Variants in OTUD7B observed in about 807,000 individuals in gnomAD.
OTUD7B encodes OTU deubiquitinase 7B, also known as OTU domain-containing protein 7B.
A neutral mutation model predicts 82.2 loss-of-function variants in OTUD7B; 34 were observed. The observed-to-expected ratio is 0.41, with a 90% CI of 0.31 to 0.55. The LOEUF is 0.55. Among genes scored for constraint, OTUD7B ranks in the 20% least tolerant of loss-of-function variants. OTUD7B has a pLI of 0.20. For missense variants in OTUD7B, 944 were observed against 1,062.1 expected (o/e 0.89, Z 1.55); for synonymous variants, 398 against 402.7 (o/e 0.99, Z 0.14).
At chr1:149,995,446 G>C (rs1553783127) in intron 1 of OTUD7B, among the ~76,000 whole-genome samples, 1 of 152,180 alleles carries the variant, frequency 6.6e-6, no homozygotes, top group African/African-American at 2.4e-5. Flanking sequence ...AGGCATGGTA[G>C]TGCGTGCCTG....
the OTUD7B span, among the ~76,000 whole-genome samples, chr1:150,063,776 T>C: frequency 6.6e-6 from 1 of 152,248 alleles, no homozygotes; most frequent in Non-Finnish European, 1.5e-5. Context: ...ATGCTTTTGC[T>C]ACCATAAAGC....
At chr1:150,066,658 T>C in the OTUD7B span, among the ~76,000 whole-genome samples, 1 of 152,240 alleles carries the variant, frequency 6.6e-6, no homozygotes, top group Non-Finnish European at 1.5e-5. This position sits in a 1 kb window ranked among gnomAD's most constrained non-coding sequence, Gnocchi z 4.6. Flanking sequence ...ACACTGGTCA[T>C]TATTTTGGTG....
chr1:150,040,754 G>A, the OTUD7B span, among the ~76,000 whole-genome samples: 3 of 143,236 alleles, frequency 2.1e-5, no homozygotes, highest in Admixed American at 1.5e-4. Context: ...CTGTTGCCCA[G>A]GCTGGAGTGC....
rs1647444406 is a variant in OTUD7B, at chr1:149,943,872, C to T, written c.2517G>A (p.Leu839=). ...RREREPDGEL[L]VHRF ...TTCCACCCGTTCAGAACCTGTGCAC[C>T]AGGAGCTCCCCATCCGGTTCCCGCT... The change falls in exon 12 of 12, where the codon CTG becomes CTA. Residue 839 remains leucine (L), a synonymous_variant. Transcript: ENST00000581312. 8 of 1,614,126 alleles carry T rather than the reference C, an allele frequency of 5.0e-6. No individual in the cohort carries two copies. The highest frequency in any genetic ancestry group is 1.3e-5 in the African/African-American group (1 of 75,068).
intron 3 of OTUD7B, among the ~76,000 whole-genome samples, chr1:149,968,773 C>T (rs1376431140): frequency 6.6e-6 from 1 of 152,178 alleles, no homozygotes; most frequent in Non-Finnish European, 1.5e-5. Flanking sequence ...TGCAGTGCTG[C>T]AGTCTCGGCT....
intron 9 of OTUD7B, 136 bp from the exon 10 acceptor site, chr1:149,949,219 GTAT>G (rs1363298302): frequency 1.6e-6 from 1 of 621,276 alleles, no homozygotes; most frequent in African/African-American, 1.8e-5. Flanking sequence ...AATTACCCCG[GTAT>G]TAAAACTAAT....
the OTUD7B span, among the ~76,000 whole-genome samples, chr1:150,046,095 C>A: frequency 6.6e-6 from 1 of 152,098 alleles, no homozygotes; most frequent in Non-Finnish European, 1.5e-5. Flanking sequence ...TTTCCTTGAT[C>A]CAACCTAGTT....
the OTUD7B span, chr1:150,053,760 T>C: frequency 5.4e-6 from 1 of 184,016 alleles, no homozygotes; most frequent in Non-Finnish European, 1.1e-5. Flanking sequence ...AAGCTCAATA[T>C]CACCGATCAT....
chr1:150,049,159 T>C, the OTUD7B span, among the ~76,000 whole-genome samples: 1 of 152,148 alleles, frequency 6.6e-6, no homozygotes, highest in Non-Finnish European at 1.5e-5. Context: ...CTAGTAAACT[T>C]AAATCAGTTC....
upstream of OTUD7B, among the ~76,000 whole-genome samples, chr1:150,014,162 G>A (rs1653201826): frequency 7.1e-6 from 1 of 141,558 alleles, no homozygotes; most frequent in Admixed American, 7.0e-5. Context: ...ACTTTGGGAG[G>A]CCAAGGCAGG....
chr1:150,000,011 A>G (rs782324217), intron 1 of OTUD7B, among the ~76,000 whole-genome samples: 18 of 152,240 alleles, frequency 1.2e-4, no homozygotes, highest in Non-Finnish European at 7.3e-5. Context: ...TGTAGCCTGG[A>G]TACAACTTTG....
the OTUD7B span, among the ~76,000 whole-genome samples, chr1:150,037,761 T>C: frequency 5.5e-3 from 844 of 152,218 alleles, 5 homozygotes; most frequent in African/African-American, 0.019. Context: ...AACTAATTTT[T>C]GTATTTTCAG....
chr1:150,027,698 G>C, the OTUD7B span, among the ~76,000 whole-genome samples: 2 of 151,790 alleles, frequency 1.3e-5, no homozygotes, highest in African/African-American at 2.4e-5. Context: ...TAATCTGCTA[G>C]TGTCCTTTAG....
At chr1:150,001,121 A>G (rs587745312) in intron 1 of OTUD7B, among the ~76,000 whole-genome samples, 1 of 152,338 alleles carries the variant, frequency 6.6e-6, no homozygotes, top group Non-Finnish European at 1.5e-5. Context: ...GCAGGGTGGA[A>G]CTTCAGCTAT....
chr1:150,056,901 T>G, the OTUD7B span, among the ~76,000 whole-genome samples: 2 of 152,118 alleles, frequency 1.3e-5, no homozygotes, highest in Non-Finnish European at 1.5e-5. Flanking sequence ...ACAGCTAAAA[T>G]TAGGAGGTGA....
the OTUD7B span, among the ~76,000 whole-genome samples, chr1:150,021,380 A>C: frequency 1.3e-5 from 2 of 152,178 alleles, no homozygotes; most frequent in African/African-American, 2.4e-5. Flanking sequence ...ACAAAGCCAG[A>C]GGGTGAATGT....
At chr1:149,992,004 C>T (rs1439023771) in intron 1 of OTUD7B, among the ~76,000 whole-genome samples, 5 of 152,072 alleles carry the variant, frequency 3.3e-5, no homozygotes, top group African/African-American at 7.2e-5. Flanking sequence ...CCAAGGCAGG[C>T]GGATCATTAG....
chr1:150,038,023 A>T, the OTUD7B span, among the ~76,000 whole-genome samples: 1 of 151,092 alleles, frequency 6.6e-6, no homozygotes, highest in South Asian at 2.1e-4. Context: ...TCACACCCTA[A>T]TTTTTGTATT....
chr1:150,012,579 A>G (rs976984055), upstream of OTUD7B, among the ~76,000 whole-genome samples: 10 of 152,186 alleles, frequency 6.6e-5, no homozygotes, highest in African/African-American at 2.4e-4. Context: ...CCACAGACTT[A>G]ATAGAACCAG....
Sources: allele counts gnomAD v4.1 joint callset (sites outside exome capture counted in the v4.1 genomes callset), GRCh38; gene constraint gnomAD v4.1.1; non-coding constraint Gnocchi (gnomAD v3.1); transcripts MANE v1.5; gene names NCBI Gene and HGNC (gene_info 2026-07-23, HGNC 2026-07-21).